The following RBFOX1 variants were observed in gnomAD, a reference collection of about 807,000 sequenced individuals.
The protein encoded by RBFOX1 is RNA binding protein fox-1 homolog 1.
A neutral mutation model predicts 57.7 loss-of-function variants in RBFOX1; 8 were observed. The ratio of observed to expected loss-of-function variants is 0.14; its 90% confidence interval spans 0.08 to 0.25. The LOEUF (loss-of-function observed/expected upper bound fraction) is 0.25. Among genes scored for constraint, RBFOX1 ranks in the 10% least tolerant of loss-of-function variants. RBFOX1 has a pLI of 1.00. For missense variants in RBFOX1, 611 were observed against 548.5 expected (o/e 1.11, Z -1.14); for synonymous variants, 326 against 222.4 (o/e 1.47, Z -4.15).
chr16:7,583,531 G>A (rs924585450), intron 6 of RBFOX1, among the ~76,000 whole-genome samples: 8 of 152,196 alleles, frequency 5.3e-5, no homozygotes, highest in African/African-American at 1.9e-4. Flanking sequence ...TGAGACAAGT[G>A]GATTGTGATA....
rs573005627 is a variant in RBFOX1 at position 6,712,970 on chromosome 16, G to C, written c.-16+58320G>C. 1.4e-3 allele frequency among the ~76,000 whole-genome samples: 201 copies of C among 143,502 alleles called. 1 individual carries two copies. Among genetic ancestry groups the C allele is most frequent in the Admixed American group, 2.5e-3 (34 of 13,544 alleles). The allele number at this position is 143,502 out of a possible 152,430, so 94.1% of individuals were successfully genotyped here. A position where few individuals can be genotyped will look rare whatever the true frequency, so the allele number is the denominator to read the frequency against. On this transcript the variant is annotated intron_variant, in intron 3 of 15. Coordinates refer to ENST00000550418, the MANE Select transcript of RBFOX1 (RefSeq NM_018723.4). The stretch of plus-strand genomic sequence containing the variant: ...GGATCTGATGGTTTTATAAAGAGCA[G>C]TTCCCCTGCACATGCTCTCTTGCCT...
intron 4 of RBFOX1, among the ~76,000 whole-genome samples, chr16:7,365,910 A>G (rs535752354): frequency 6.6e-6 from 1 of 152,304 alleles, no homozygotes; most frequent in East Asian, 1.9e-4. Context: ...TCTTTGTGTC[A>G]GTTTCACTTC....
At chr16:7,189,074 A>C (rs1038236415) in intron 4 of RBFOX1, among the ~76,000 whole-genome samples, 1 of 151,388 alleles carries the variant, frequency 6.6e-6, no homozygotes, top group Non-Finnish European at 1.5e-5. Context: ...TTCTCAATGG[A>C]TAGAATCCTC....
chr16:5,731,081 C>T (rs1012751629), intron 3 of RBFOX1, among the ~76,000 whole-genome samples: 2 of 152,128 alleles, frequency 1.3e-5, no homozygotes, highest in African/African-American at 4.8e-5. Flanking sequence ...CCATCACCAT[C>T]ACCATCAACA....
At chr16:6,970,378 T>C (rs960162468) in intron 3 of RBFOX1, among the ~76,000 whole-genome samples, 6 of 152,292 alleles carry the variant, frequency 3.9e-5, no homozygotes, top group Admixed American at 3.9e-4. Context: ...GCAAGACAGG[T>C]AGTGCAGTTC....
At chr16:6,648,143 T>G (rs1260960113) in intron 2 of RBFOX1, among the ~76,000 whole-genome samples, 2 of 151,000 alleles carry the variant, frequency 1.3e-5, no homozygotes, top group African/African-American at 4.9e-5. Context: ...GCACCCGGCT[T>G]CAAGTGATCC....
chr16:5,880,728 A>T (rs1448852154), intron 4 of RBFOX1, among the ~76,000 whole-genome samples: 2 of 152,198 alleles, frequency 1.3e-5, no homozygotes, highest in Non-Finnish European at 2.9e-5. Flanking sequence ...ACCCCCTTGG[A>T]CATCTGGGGA....
intron 2 of RBFOX1, among the ~76,000 whole-genome samples, chr16:6,593,712 C>A (rs74005201): frequency 6.6e-6 from 1 of 152,004 alleles, no homozygotes; most frequent in African/African-American, 2.4e-5. Context: ...ATTTTTACTT[C>A]TTATTTTACA....
intron 5 of RBFOX1, among the ~76,000 whole-genome samples, chr16:7,547,953 T>C (rs2085086860): frequency 6.6e-6 from 1 of 152,174 alleles, no homozygotes; most frequent in South Asian, 2.1e-4. Context: ...AATCCAGGTA[T>C]TAAGGATAGA....
At chr16:7,391,410 C>T (rs752528175) in intron 4 of RBFOX1, among the ~76,000 whole-genome samples, 1 of 152,208 alleles carries the variant, frequency 6.6e-6, no homozygotes, top group Non-Finnish European at 1.5e-5. Flanking sequence ...CCTCCCTCTG[C>T]TCTTCGTTTC....
At chr16:5,674,374 C>T (rs774872262) in intron 3 of RBFOX1, among the ~76,000 whole-genome samples, 58 of 152,120 alleles carry the variant, frequency 3.8e-4, no homozygotes, top group Admixed American at 6.5e-5. Context: ...ATATTCATGT[C>T]TGTTTGCAAG....
At chr16:5,268,726 A>C (rs1208085316) in intron 1 of RBFOX1, among the ~76,000 whole-genome samples, 1 of 152,192 alleles carries the variant, frequency 6.6e-6, no homozygotes, top group East Asian at 1.9e-4. Context: ...TTCATTTTCC[A>C]TAGATTAAAA....
At chr16:7,134,739 G>A (rs1567397469) in intron 4 of RBFOX1, among the ~76,000 whole-genome samples, 1 of 152,286 alleles carries the variant, frequency 6.6e-6, no homozygotes, top group East Asian at 1.9e-4. Flanking sequence ...TGCTGTTGCT[G>A]CTGCTGTAGA....
At position 7,363,721 on chromosome 16, in the gene RBFOX1, G is replaced by A. The variant is rs188702529; in HGVS notation, c.28-154426G>A. ...GGAGGACAAAACCTTTTTGCTTACGGCTAAGTACATTTTATGGAGCATTTA... is the reference window on the plus strand; with the variant it reads ...GGAGGACAAAACCTTTTTGCTTACGACTAAGTACATTTTATGGAGCATTTA... On this transcript the variant is annotated intron_variant, in intron 4 of 15. Coordinates refer to ENST00000550418, the MANE Select transcript of RBFOX1 (RefSeq NM_018723.4). Among the ~76,000 whole-genome samples, 485 of 152,204 alleles carry A rather than the reference G, an allele frequency of 3.2e-3. 1 individual carries two copies. The highest frequency in any genetic ancestry group is 6.8e-3 in the Middle Eastern group (2 of 292).
intron 3 of RBFOX1, among the ~76,000 whole-genome samples, chr16:7,020,960 C>G (rs117516447): frequency 0.018 from 2,711 of 152,204 alleles, 39 homozygotes; most frequent in Middle Eastern, 0.041. Context: ...AATCCTGTCT[C>G]TACTTAAAAA....
At position 6,340,056 on chromosome 16, in the gene RBFOX1, AG is replaced by A. The variant is rs200986639; in HGVS notation, c.-64+23001del. Among the ~76,000 whole-genome samples, 203 of 152,250 alleles carry A rather than the reference AG, an allele frequency of 1.3e-3. 6 individuals carry two copies. In the East Asian group the frequency reaches 0.038, roughly 28 times the overall value. On this transcript the variant is annotated intron_variant, in intron 2 of 15. Transcript: ENST00000550418. ...TGTACAGGAACAATGGGGATGCAAA[AG>A]GTTGGTATCTAGTGACTTTCAGTTA...
At chr16:7,639,653 T>C (rs1363087032) in intron 11 of RBFOX1, among the ~76,000 whole-genome samples, 4 of 152,164 alleles carry the variant, frequency 2.6e-5, no homozygotes, top group African/African-American at 7.2e-5. Flanking sequence ...CTAGGGGATA[T>C]TTGGGAAGTA....
chr16:7,621,941 C>T (rs994904012), intron 10 of RBFOX1, among the ~76,000 whole-genome samples: 1 of 152,196 alleles, frequency 6.6e-6, no homozygotes, highest in African/African-American at 2.4e-5. Context: ...ATGTAGCTGT[C>T]TTCCAATGAA....
At chr16:5,948,490 A>G (rs886377528) in intron 4 of RBFOX1, among the ~76,000 whole-genome samples, 4 of 152,166 alleles carry the variant, frequency 2.6e-5, no homozygotes, top group Non-Finnish European at 5.9e-5. Context: ...GCCTTTGAAG[A>G]TATAATTAGT....
Sources: gnomAD v4.1 joint callset for allele counts (sites outside exome capture counted in the v4.1 genomes callset) on GRCh38, gnomAD v4.1.1 for gene constraint, MANE v1.5 for transcripts, NCBI Gene and HGNC (gene_info 2026-07-23, HGNC 2026-07-21) for gene names.